Variants in CNTN6 observed in about 807,000 individuals in gnomAD.
CNTN6 encodes contactin 6, also known as contactin-6.
In CNTN6, 137 loss-of-function variants were observed where a neutral mutation model predicts 122.8. The observed-to-expected ratio is 1.12, with a 90% CI of 0.97 to 1.29. The LOEUF is 1.29. Among genes scored for constraint, CNTN6 ranks in the 50% most tolerant of loss-of-function variants. The pLI is 0.00. For missense variants in CNTN6, 1,634 were observed against 1,223.4 expected, an observed-to-expected ratio of 1.34 and a Z score of -5.01; for synonymous variants, 570 against 426.0, an observed-to-expected ratio of 1.34 and a Z score of -4.16.
At chr3:1,276,304 CT>C (rs1433043778) in intron 4 of CNTN6, among the ~76,000 whole-genome samples, 2 of 152,040 alleles carry the variant, frequency 1.3e-5, no homozygotes, top group Non-Finnish European at 2.9e-5. Context: ...TATTTAGTGA[CT>C]TTTTAAAGAA....
At chr3:1,315,567 C>G (rs1352339009) in intron 7 of CNTN6, among the ~76,000 whole-genome samples, 2 of 151,970 alleles carry the variant, frequency 1.3e-5, no homozygotes, top group Admixed American at 1.3e-4. Flanking sequence ...AGCCATCTGT[C>G]ACAATGCCTG....
chr3:1,401,416 T>A lies in CNTN6; in HGVS notation c.2705-17T>A. On this transcript the variant is annotated splice_polypyrimidine_tract_variant and intron_variant, in intron 20 of 22. Transcript: ENST00000446702. ...GCTAATTAACATTCATTTGGATCTT[T>A]GATTATCTCTTTAAAGCTCCAAGCC... The A allele has an allele frequency of 6.3e-7, 1 of 1,596,688 alleles. No homozygotes were observed. The highest frequency in any genetic ancestry group is 8.6e-7 in the Non-Finnish European group (1 of 1,165,530).
chr3:1,356,094 T>C (rs1230934842), intron 12 of CNTN6, among the ~76,000 whole-genome samples: 3 of 151,784 alleles, frequency 2.0e-5, no homozygotes, highest in African/African-American at 7.2e-5. Flanking sequence ...TGTTTTCATT[T>C]TGGAGGACTG....
intron 4 of CNTN6, among the ~76,000 whole-genome samples, chr3:1,242,197 T>A (rs1311267668): frequency 6.6e-6 from 1 of 152,122 alleles, no homozygotes; most frequent in East Asian, 1.9e-4. Context: ...GCCTTGGTAA[T>A]TTGCTGAGCC....
At chr3:1,379,689 T>C (rs985064468) in intron 17 of CNTN6, among the ~76,000 whole-genome samples, 2 of 152,294 alleles carry the variant, frequency 1.3e-5, no homozygotes. Flanking sequence ...TATTTTTTCT[T>C]CCTGAGGAGG....
chr3:1,170,699 C>G (rs978980854), intron 2 of CNTN6, among the ~76,000 whole-genome samples: 6 of 152,140 alleles, frequency 3.9e-5, no homozygotes, highest in African/African-American at 7.2e-5. Context: ...CATAAGCCAT[C>G]TCCTCTGAAT....
At chr3:1,327,132 C>T (rs971921814) in intron 9 of CNTN6, among the ~76,000 whole-genome samples, 4 of 151,776 alleles carry the variant, frequency 2.6e-5, no homozygotes, top group Non-Finnish European at 4.4e-5. Context: ...TATTGTTAAC[C>T]GTGTTTTCCT....
intron 1 of CNTN6, among the ~76,000 whole-genome samples, chr3:1,095,296 C>T (rs1282732374): frequency 6.6e-6 from 1 of 151,964 alleles, no homozygotes; most frequent in East Asian, 1.9e-4. Context: ...CATGGTGAAA[C>T]CCCATTTCTA....
chr3:1,344,967 C>G (rs1251935109), intron 11 of CNTN6, among the ~76,000 whole-genome samples: 2 of 152,044 alleles, frequency 1.3e-5, no homozygotes, highest in African/African-American at 2.4e-5. Context: ...CACTTCATCT[C>G]TGTCTCTTTT....
At position 1,140,165 on chromosome 3, in the gene CNTN6, G is replaced by C. The variant is rs113322393; in HGVS notation, c.-82-7762G>C. ...CTTGTCACCTTTTTAGGAACGGAAAGTCAACACTACAAATCCTCAAAGCTA... is the reference window on the plus strand; with the variant it reads ...CTTGTCACCTTTTTAGGAACGGAAACTCAACACTACAAATCCTCAAAGCTA... On this transcript the variant is annotated intron_variant, in intron 1 of 22. Coordinates refer to ENST00000446702, the MANE Select transcript of CNTN6 (RefSeq NM_001289080.2). Among the ~76,000 whole-genome samples, 1,062 of 152,286 alleles carry C rather than the reference G, an allele frequency of 7.0e-3. 8 individuals carry two copies. Among genetic ancestry groups the C allele is most frequent in the African/African-American group, 0.024 (997 of 41,564 alleles).
At chr3:1,239,685 C>T (rs191622367) in intron 4 of CNTN6, among the ~76,000 whole-genome samples, 76 of 152,192 alleles carry the variant, frequency 5.0e-4, no homozygotes, top group Admixed American at 4.8e-3. Flanking sequence ...CTAAAATTTA[C>T]ATGGAACCAA....
chr3:1,177,314 T>A (rs1189342577), intron 2 of CNTN6, among the ~76,000 whole-genome samples: 1 of 152,220 alleles, frequency 6.6e-6, no homozygotes, highest in Non-Finnish European at 1.5e-5. Context: ...ACCTTAATTT[T>A]CTCAAGTGTG....
At chr3:1,258,782 T>G (rs1314058745) in intron 4 of CNTN6, among the ~76,000 whole-genome samples, 1 of 152,126 alleles carries the variant, frequency 6.6e-6, no homozygotes. Context: ...GCTACCTTTT[T>G]CTTAGAGTGC....
At chr3:1,248,191 T>C (rs1210909426) in intron 4 of CNTN6, among the ~76,000 whole-genome samples, 1 of 152,198 alleles carries the variant, frequency 6.6e-6, no homozygotes, top group Non-Finnish European at 1.5e-5. Context: ...ATTTCCAAGA[T>C]GGATACTTTG....
chr3:1,401,571 C>A, intron 21 of CNTN6, 26 bp downstream of exon 21: 3 of 1,491,268 alleles, frequency 2.0e-6, no homozygotes, highest in South Asian at 2.4e-5. Context: ...TTCCTTTAAT[C>A]ATATCAATTA....
At chr3:1,129,869 C>T in intron 1 of CNTN6, among the ~76,000 whole-genome samples, 1 of 83,698 alleles carries the variant, frequency 1.2e-5, no homozygotes, top group South Asian at 3.3e-4. Context: ...CATCAAGACT[C>T]TATTCATTTG....
intron 2 of CNTN6, among the ~76,000 whole-genome samples, chr3:1,156,928 G>A (rs1161554665): frequency 4.6e-5 from 7 of 151,848 alleles, no homozygotes; most frequent in African/African-American, 1.7e-4. Context: ...TGTTGCTCAG[G>A]CTGGTCTTGA....
chr3:1,123,367 C>T (rs979530349), intron 1 of CNTN6, among the ~76,000 whole-genome samples: 1 of 151,796 alleles, frequency 6.6e-6, no homozygotes, highest in South Asian at 2.1e-4. Context: ...TTCACTTTCT[C>T]TGTTACATTT....
chr3:1,281,690 G>C (rs990480864), intron 5 of CNTN6, among the ~76,000 whole-genome samples: 1 of 151,900 alleles, frequency 6.6e-6, no homozygotes, highest in Non-Finnish European at 1.5e-5. Context: ...TGCCCGCCTC[G>C]GCCTCCCAAA....
Sources: allele counts gnomAD v4.1 joint callset (sites outside exome capture counted in the v4.1 genomes callset), GRCh38; gene constraint gnomAD v4.1.1; transcripts MANE v1.5; gene names NCBI Gene and HGNC (gene_info 2026-07-23, HGNC 2026-07-21).